C8orf34: variants seen among roughly 807,000 people sequenced by gnomAD.
C8orf34 encodes uncharacterized protein C8orf34.
A neutral mutation model predicts 68.3 loss-of-function variants in C8orf34; 65 were observed. That is an observed-to-expected ratio of 0.95 (90% CI 0.78 to 1.17). The LOEUF (loss-of-function observed/expected upper bound fraction) is 1.17. Among genes scored for constraint, C8orf34 ranks in the 50% most tolerant of loss-of-function variants. The pLI is 0.00. For synonymous variants in C8orf34, 244 were observed against 241.2 expected (o/e 1.01, Z -0.11); for missense variants, 664 against 655.4 (o/e 1.01, Z -0.14).
At chr8:68,797,262 A>G (rs1440495086) in intron 12 of C8orf34, among the ~76,000 whole-genome samples, 2 of 152,158 alleles carry the variant, frequency 1.3e-5, no homozygotes, top group East Asian at 3.9e-4. Context: ...TCTCAGTCTT[A>G]ATTCTCTCAA....
chr8:68,494,849 C>T (rs1392015073), intron 5 of C8orf34, among the ~76,000 whole-genome samples: 1 of 150,952 alleles, frequency 6.6e-6, no homozygotes, highest in Non-Finnish European at 1.5e-5. Flanking sequence ...GAGTGAGACT[C>T]CATCTCAAAA....
At chr8:68,533,410 G>A (rs1472441670) in intron 7 of C8orf34, 48 of 1,140,836 alleles carry the variant, frequency 4.2e-5, no homozygotes, top group East Asian at 9.9e-5. Flanking sequence ...GTAATGAAGC[G>A]TTATTCTGTG....
chr8:68,428,540 A>G (rs562766822), intron 1 of C8orf34, among the ~76,000 whole-genome samples: 2 of 152,254 alleles, frequency 1.3e-5, no homozygotes, highest in Non-Finnish European at 2.9e-5. Flanking sequence ...AACCATTAAA[A>G]GAATATTAAA....
chr8:68,594,757 T>A (rs551901951), intron 7 of C8orf34, among the ~76,000 whole-genome samples: 1 of 152,138 alleles, frequency 6.6e-6, no homozygotes, highest in Non-Finnish European at 1.5e-5. Flanking sequence ...TCTTGGACTT[T>A]TGAACAGTGA....
chr8:68,475,859 C>G (rs1339819112), intron 4 of C8orf34, among the ~76,000 whole-genome samples: 5 of 152,102 alleles, frequency 3.3e-5, no homozygotes, highest in Non-Finnish European at 7.3e-5. Flanking sequence ...TATCTTTAGG[C>G]CATCCAGACA....
chr8:68,711,827 C>T (rs1194535718), intron 9 of C8orf34, among the ~76,000 whole-genome samples: 1 of 152,058 alleles, frequency 6.6e-6, no homozygotes, highest in Non-Finnish European at 1.5e-5. Context: ...ATACAAGAAG[C>T]TCAAAGAACA....
chr8:68,587,533 T>C (rs72666711), intron 7 of C8orf34, among the ~76,000 whole-genome samples: 12,498 of 152,046 alleles, frequency 0.082, 713 homozygotes, highest in Non-Finnish European at 0.12. Context: ...TAGTATCTTT[T>C]TGAGTGACAC....
intron 1 of C8orf34, among the ~76,000 whole-genome samples, chr8:68,424,356 G>A (rs1315223084): frequency 1.3e-5 from 2 of 152,074 alleles, no homozygotes; most frequent in African/African-American, 4.8e-5. Flanking sequence ...TAAATGATAG[G>A]ATATAACTAA....
chr8:68,753,563 GA>G (rs1177853880), intron 10 of C8orf34, among the ~76,000 whole-genome samples: 1 of 152,150 alleles, frequency 6.6e-6, no homozygotes, highest in Non-Finnish European at 1.5e-5. Flanking sequence ...TGTTATCACA[GA>G]AATTGTTTTT....
chr8:68,626,860 C>A (rs1020935768), intron 7 of C8orf34, among the ~76,000 whole-genome samples: 1 of 151,790 alleles, frequency 6.6e-6, no homozygotes, highest in African/African-American at 2.4e-5. Context: ...ATAGTGGTAC[C>A]TAAAAGGGCC....
chr8:68,453,978 T>TGGTG (rs1811445746), intron 3 of C8orf34, among the ~76,000 whole-genome samples: 1 of 152,062 alleles, frequency 6.6e-6, no homozygotes, highest in African/African-American at 2.4e-5. Flanking sequence ...GATATTTTTA[T>TGGTG]GATGGAAGTG....
At chr8:68,561,648 C>T (rs1816431928) in intron 7 of C8orf34, among the ~76,000 whole-genome samples, 1 of 152,092 alleles carries the variant, frequency 6.6e-6, no homozygotes, top group South Asian at 2.1e-4. Flanking sequence ...TTCCCAGCTA[C>T]TTGGGAGGCT....
intron 7 of C8orf34, among the ~76,000 whole-genome samples, chr8:68,597,557 C>A (rs1449317852): frequency 7.5e-6 from 1 of 133,712 alleles, no homozygotes; most frequent in Admixed American, 8.1e-5. Context: ...TCAGGTAATA[C>A]ATCTGCCACA....
intron 7 of C8orf34, among the ~76,000 whole-genome samples, chr8:68,568,269 A>G (rs372527048): frequency 6.6e-6 from 1 of 150,866 alleles, no homozygotes; most frequent in African/African-American, 2.4e-5. Flanking sequence ...TCCTTCAGGA[A>G]CTTTTTCTTT....
At chr8:68,689,083 G>A (rs749236290) in intron 8 of C8orf34, among the ~76,000 whole-genome samples, 29 of 152,066 alleles carry the variant, frequency 1.9e-4, no homozygotes, top group Non-Finnish European at 3.2e-4. Flanking sequence ...ATGGAATAAC[G>A]TCTTTTGCAG....
intron 1 of C8orf34, chr8:68,438,932 G>A (rs1374337399): frequency 6.6e-6 from 1 of 152,106 alleles, no homozygotes; most frequent in African/African-American, 2.4e-5. Context: ...GGAAGGACAC[G>A]TAACAGGGAT....
intron 10 of C8orf34, among the ~76,000 whole-genome samples, chr8:68,768,747 A>C (rs189201107): frequency 6.6e-6 from 1 of 152,168 alleles, no homozygotes; most frequent in Non-Finnish European, 1.5e-5. Flanking sequence ...ACAATGTCAT[A>C]GGATATAGCC....
At chr8:68,757,624 A>AAAATAAATAAAT (rs150094375) in intron 10 of C8orf34, among the ~76,000 whole-genome samples, 94 of 151,942 alleles carry the variant, frequency 6.2e-4, no homozygotes, top group Middle Eastern at 3.4e-3. Flanking sequence ...CCGTCTCAAA[A>AAAATAAATAAAT]AAATAAATAA....
chr8:68,802,653 C>T (rs1047702924), intron 12 of C8orf34, among the ~76,000 whole-genome samples: 38 of 152,098 alleles, frequency 2.5e-4, no homozygotes, highest in Middle Eastern at 3.4e-3. Flanking sequence ...GGTATGCCAC[C>T]ATGCCAGATA....
Sources: allele counts gnomAD v4.1 joint callset (sites outside exome capture counted in the v4.1 genomes callset), GRCh38; gene constraint gnomAD v4.1.1; transcripts MANE v1.5; gene names NCBI Gene and HGNC (gene_info 2026-07-23, HGNC 2026-07-21).